The following ME3 variants were observed in gnomAD, a reference collection of about 807,000 sequenced individuals.
ME3 encodes malic enzyme 3, also known as NADP-dependent malic enzyme, mitochondrial.
Under a neutral mutation model 68.9 loss-of-function variants are expected in ME3, and 48 were observed. The observed-to-expected ratio is 0.70, with a 90% CI of 0.55 to 0.89. The LOEUF (loss-of-function observed/expected upper bound fraction) is 0.89. Ranked by LOEUF, ME3 falls within the 40% of genes least tolerant of loss-of-function variation. The pLI is 0.00. For missense variants in ME3, 675 were observed against 797.4 expected (o/e 0.85, Z 1.85); for synonymous variants, 320 against 318.8 (o/e 1.00, Z -0.04).
intron 5 of ME3, among the ~76,000 whole-genome samples, chr11:86,500,342 C>T (rs1035452948): frequency 2.6e-5 from 4 of 152,264 alleles, no homozygotes; most frequent in African/African-American, 4.8e-5. Flanking sequence ...TAGTGGCACT[C>T]TCCCAGCCTG....
chr11:86,517,831 A>G (rs1003111301), intron 4 of ME3, among the ~76,000 whole-genome samples: 4 of 152,132 alleles, frequency 2.6e-5, no homozygotes, highest in Non-Finnish European at 4.4e-5. Flanking sequence ...CAGGTACTCT[A>G]TAAGTGATGT....
At chr11:86,639,264 A>G (rs1205934243) in intron 2 of ME3, among the ~76,000 whole-genome samples, 1 of 152,200 alleles carries the variant, frequency 6.6e-6, no homozygotes, top group Non-Finnish European at 1.5e-5. Context: ...GATTTATTCA[A>G]TGGAAATGCA....
intron 2 of ME3, among the ~76,000 whole-genome samples, chr11:86,614,566 T>C (rs1257998500): frequency 6.6e-6 from 1 of 152,152 alleles, no homozygotes; most frequent in Non-Finnish European, 1.5e-5. Flanking sequence ...CATAACCTTC[T>C]CTGAGGGACC....
intron 2 of ME3, among the ~76,000 whole-genome samples, chr11:86,651,625 T>C (rs1305748325): frequency 6.6e-6 from 1 of 151,984 alleles, no homozygotes; most frequent in Admixed American, 6.5e-5. Context: ...AAAAAGTAGA[T>C]AAAACCACAA....
chr11:86,529,041 C>A lies in ME3; in HGVS notation c.468-20174G>T, dbSNP rs540274505. ...CTGAAGGAGAGAGAGACACAAAAAACCCCTCAAAAAATCAATGAATCCAAG... is the reference window on the plus strand; with the variant it reads ...CTGAAGGAGAGAGAGACACAAAAAAACCCTCAAAAAATCAATGAATCCAAG... On this transcript the variant is annotated intron_variant, in intron 4 of 14. Coordinates refer to ENST00000543262, the Ensembl canonical transcript of ME3. Among the ~76,000 whole-genome samples, 22 of 152,184 alleles carry A rather than the reference C, an allele frequency of 1.4e-4. No homozygotes were observed. The East Asian group carries it at 2.9e-3, about 20-fold the overall frequency.
intron 8 of ME3, among the ~76,000 whole-genome samples, chr11:86,452,303 T>C (rs1949679542): frequency 6.6e-6 from 1 of 152,152 alleles, no homozygotes; most frequent in Non-Finnish European, 1.5e-5. Context: ...ACTAAATCAG[T>C]GGGCAAAGAA....
At chr11:86,447,246 T>G in intron 11 of ME3, 39 bp from the exon 12 acceptor site, 1 of 1,604,636 alleles carries the variant, frequency 6.2e-7, no homozygotes, top group South Asian at 1.1e-5. Flanking sequence ...GCCTGCTCTC[T>G]ATAAACAACC....
intron 6 of ME3, 75 bp from the exon 7 acceptor site, chr11:86,487,515 G>T: frequency 2.5e-6 from 3 of 1,194,872 alleles, no homozygotes; most frequent in Non-Finnish European, 3.7e-6. Flanking sequence ...AAGTATCCAG[G>T]ATTATTAGGA....
chr11:86,558,843 G>GTACT (rs1392384203), intron 3 of ME3, among the ~76,000 whole-genome samples: 1 of 152,078 alleles, frequency 6.6e-6, no homozygotes, highest in Non-Finnish European at 1.5e-5. Context: ...TTTCCCTATG[G>GTACT]TACTCATCGT....
At chr11:86,639,175 T>G (rs1944521432) in intron 2 of ME3, among the ~76,000 whole-genome samples, 1 of 152,226 alleles carries the variant, frequency 6.6e-6, no homozygotes. Context: ...TTGCTGTTAT[T>G]ATTGTTGTTT....
chr11:86,570,066 C>T (rs1166752816), intron 2 of ME3, among the ~76,000 whole-genome samples: 1 of 152,188 alleles, frequency 6.6e-6, no homozygotes, highest in Non-Finnish European at 1.5e-5. Context: ...GGTGTGCCTG[C>T]ACTTCTGAGT....
intron 2 of ME3, among the ~76,000 whole-genome samples, chr11:86,652,527 G>T (rs2510498): frequency 0.91 from 138,302 of 152,002 alleles, 63,002 homozygotes; most frequent in Middle Eastern, 0.96. Context: ...TAAAATACTT[G>T]AGAGACAAGC....
chr11:86,503,463 A>G (rs1411910810), intron 5 of ME3, among the ~76,000 whole-genome samples: 1 of 152,206 alleles, frequency 6.6e-6, no homozygotes, highest in African/African-American at 2.4e-5. Flanking sequence ...TTCTGGATGC[A>G]TTTGAAGGGC....
chr11:86,449,343 T>C (rs1949501801), intron 10 of ME3, among the ~76,000 whole-genome samples: 1 of 152,240 alleles, frequency 6.6e-6, no homozygotes, highest in Non-Finnish European at 1.5e-5. Context: ...AATTATGCAC[T>C]TACCATGTGC....
chr11:86,597,448 C>G (rs1026826882), intron 2 of ME3, among the ~76,000 whole-genome samples: 38 of 152,148 alleles, frequency 2.5e-4, no homozygotes, highest in African/African-American at 9.2e-4. Context: ...GAAGTAGAAA[C>G]CATGACAACC....
chr11:86,561,321 G>C (rs573364423), intron 2 of ME3, among the ~76,000 whole-genome samples: 140 of 152,182 alleles, frequency 9.2e-4, no homozygotes, highest in Non-Finnish European at 1.5e-3. Flanking sequence ...ATTTCTCCAA[G>C]GATCCCCAAT....
chr11:86,479,722 G>A (rs528836634), intron 7 of ME3, among the ~76,000 whole-genome samples: 17 of 152,250 alleles, frequency 1.1e-4, no homozygotes, highest in African/African-American at 3.9e-4. Context: ...ACACCAAATA[G>A]TTGGGTACTG....
At chr11:86,510,567 C>G (rs908463092) in intron 4 of ME3, among the ~76,000 whole-genome samples, 4 of 152,162 alleles carry the variant, frequency 2.6e-5, no homozygotes, top group African/African-American at 9.7e-5. Context: ...TCACCTTTGG[C>G]ACTATTGACA....
In ME3 at chr11:86,567,234, A is replaced by AAAAG. The variant is rs1444394794; in HGVS notation, c.184-7415_184-7412dup. On this transcript the variant is annotated intron_variant, in intron 2 of 14. Coordinates refer to ENST00000543262, the Ensembl canonical transcript of ME3. ...CTCTGTCAGAAAGAAAGAAAGAAAGAAAAGAAAGAAAGGAAGGAAGGAAGG... is the reference window on the plus strand; with the variant it reads ...CTCTGTCAGAAAGAAAGAAAGAAAGAAAAGAAAGAAAGAAAGGAAGGAAGGAAGG... Among the ~76,000 whole-genome samples the AAAAG allele has an allele frequency of 1.3e-3, 81 of 63,610 alleles. 1 individual carries two copies. The highest frequency in any genetic ancestry group is 2.8e-3 in the African/African-American group (50 of 18,038). The allele number at this position is 63,610 out of a possible 152,430, so 41.7% of individuals were successfully genotyped here.
Sources: gnomAD v4.1 joint callset for allele counts (sites outside exome capture counted in the v4.1 genomes callset) on GRCh38, gnomAD v4.1.1 for gene constraint, MANE v1.5 for transcripts, NCBI Gene and HGNC (gene_info 2026-07-23, HGNC 2026-07-21) for gene names.